The following PCDH15 variants were observed in gnomAD, a reference collection of about 807,000 sequenced individuals.
The protein encoded by PCDH15 is protocadherin related 15.
A neutral mutation model predicts 178.5 loss-of-function variants in PCDH15; 129 were observed. The ratio of observed to expected loss-of-function variants is 0.72; its 90% CI spans 0.63 to 0.84. The LOEUF (loss-of-function observed/expected upper bound fraction) is 0.84. Ranked by LOEUF, PCDH15 falls within the 40% of genes least tolerant of loss-of-function variation. The pLI is 0.00. For missense variants in PCDH15, 2,230 were observed against 2,099.9 expected, an observed-to-expected ratio of 1.06 and a Z score of -1.21; for synonymous variants, 800 against 732.0, an observed-to-expected ratio of 1.09 and a Z score of -1.50.
chr10:55,526,923 G>A (rs1247963122), intron 2 of PCDH15, among the ~76,000 whole-genome samples: 1 of 152,058 alleles, frequency 6.6e-6, no homozygotes, highest in Non-Finnish European at 1.5e-5. Flanking sequence ...GCAACGTCAT[G>A]AAGTGGCAGT....
intron 26 of PCDH15, among the ~76,000 whole-genome samples, chr10:53,897,211 G>C (rs1208768706): frequency 6.6e-6 from 1 of 152,042 alleles, no homozygotes; most frequent in Non-Finnish European, 1.5e-5. Context: ...ATGGCCTCCT[G>C]ACAGGCTGAG....
At chr10:55,575,634 G>C (rs970874256) in intron 2 of PCDH15, 19 of 152,146 alleles carry the variant, frequency 1.2e-4, no homozygotes, top group African/African-American at 4.6e-4. Flanking sequence ...TTTTATAAGT[G>C]GTAATTGCCA....
chr10:55,293,748 A>T (rs1843070126), intron 1 of PCDH15, among the ~76,000 whole-genome samples: 1 of 152,084 alleles, frequency 6.6e-6, no homozygotes, highest in South Asian at 2.1e-4. Context: ...ATCTGTGACC[A>T]CTTCAGCCTG....
chr10:54,438,721 A>C (rs1212590034), intron 3 of PCDH15, among the ~76,000 whole-genome samples: 1 of 152,042 alleles, frequency 6.6e-6, no homozygotes, highest in Non-Finnish European at 1.5e-5. Context: ...GATGGGTGCA[A>C]TGCTGAGTGC....
chr10:55,038,197 C>T (rs1266566083), intron 2 of PCDH15, among the ~76,000 whole-genome samples: 1 of 152,050 alleles, frequency 6.6e-6, no homozygotes, highest in Non-Finnish European at 1.5e-5. Context: ...AAAAAAATAA[C>T]TAAACATTTA....
At chr10:55,370,861 G>C (rs1010168636) in intron 2 of PCDH15, among the ~76,000 whole-genome samples, 2 of 152,068 alleles carry the variant, frequency 1.3e-5, no homozygotes, top group African/African-American at 4.8e-5. Flanking sequence ...TACTTCTCAT[G>C]CCAAACATAG....
At chr10:54,442,677 C>T (rs1589434226) in intron 3 of PCDH15, among the ~76,000 whole-genome samples, 1 of 150,286 alleles carries the variant, frequency 6.7e-6, no homozygotes, top group East Asian at 2.0e-4. Context: ...TGAAATTATG[C>T]TTAAAAATGA....
chr10:54,348,196 G>T (rs1943621340), intron 5 of PCDH15, among the ~76,000 whole-genome samples: 1 of 152,092 alleles, frequency 6.6e-6, no homozygotes, highest in Non-Finnish European at 1.5e-5. Flanking sequence ...AATAAAATAT[G>T]CCCATTGCCT....
At position 54,477,789 on chromosome 10, in the gene PCDH15, G is replaced by C. The variant is rs191177223; in HGVS notation, c.157+50023C>G. 1.6e-3 allele frequency among the ~76,000 whole-genome samples: 250 copies of C among 152,148 alleles called. 4 individuals carry two copies. The highest frequency in any genetic ancestry group is 5.7e-4 in the Non-Finnish European group (39 of 67,984). On this transcript the variant is annotated intron_variant, in intron 3 of 37. Transcript: ENST00000644397. ...TTATGTATTAATATATTTTAGTAGA[G>C]ACAGGCTGTTCTCAAACTCCTGAGC... is the stretch of plus-strand genomic sequence containing the variant.
intron 27 of PCDH15, among the ~76,000 whole-genome samples, chr10:53,863,878 G>T (rs899490497): frequency 6.6e-6 from 1 of 152,076 alleles, no homozygotes; most frequent in Non-Finnish European, 1.5e-5. Context: ...AAAGAATGTT[G>T]GTCTAGATCC....
chr10:54,505,066 G>A (rs1176156758), intron 3 of PCDH15, among the ~76,000 whole-genome samples: 1 of 151,782 alleles, frequency 6.6e-6, no homozygotes, highest in African/African-American at 2.4e-5. Flanking sequence ...TTGTTTTTTT[G>A]TTTTTTTCCT....
At chr10:54,354,304 T>A (rs994133520) in intron 5 of PCDH15, among the ~76,000 whole-genome samples, 5 of 152,188 alleles carry the variant, frequency 3.3e-5, no homozygotes, top group Admixed American at 2.0e-4. Context: ...TTAGAAGTTG[T>A]TGAATATTTG....
intron 32 of PCDH15, among the ~76,000 whole-genome samples, chr10:53,826,025 C>CAACTT (rs752888149): frequency 3.3e-5 from 5 of 151,616 alleles, no homozygotes; most frequent in Non-Finnish European, 7.4e-5. Context: ...TATAAACACA[C>CAACTT]AACTTTACAC....
intron 2 of PCDH15, among the ~76,000 whole-genome samples, chr10:55,159,349 CTATCTATCTATCTATCTATCT>C (rs1838990343): frequency 1.5e-4 from 1 of 6,508 alleles, no homozygotes; most frequent in Non-Finnish European, 4.2e-4. Flanking sequence ...CCATATCTAT[CTATCTATCTATCTATCTATCT>C]ATATATATAT....
upstream of PCDH15, among the ~76,000 whole-genome samples, chr10:54,803,904 CATT>C (rs1952731837): frequency 6.6e-6 from 1 of 152,038 alleles, no homozygotes; most frequent in African/African-American, 2.4e-5. Flanking sequence ...AAAAATGAAT[CATT>C]AAATCTATCA....
intron 2 of PCDH15, among the ~76,000 whole-genome samples, chr10:55,162,123 A>C (rs1455138739): frequency 1.3e-5 from 2 of 152,174 alleles, no homozygotes; most frequent in African/African-American, 4.8e-5. Flanking sequence ...TAAATTATTT[A>C]ATCTAATTTA....
chr10:54,729,133 C>T (rs775540605), intron 1 of PCDH15, among the ~76,000 whole-genome samples: 2 of 151,610 alleles, frequency 1.3e-5, no homozygotes, highest in Non-Finnish European at 3.0e-5. Flanking sequence ...ACAAAAACAA[C>T]AAAGTTGAAA....
chr10:55,542,643 G>A (rs1841793953), intron 2 of PCDH15, among the ~76,000 whole-genome samples: 1 of 136,110 alleles, frequency 7.3e-6, no homozygotes, highest in Non-Finnish European at 1.6e-5. Flanking sequence ...ACAGACATAT[G>A]TATGTGTCTA....
chr10:54,718,049 G>T (rs1167069865), intron 1 of PCDH15, among the ~76,000 whole-genome samples: 2 of 149,682 alleles, frequency 1.3e-5, no homozygotes, highest in Non-Finnish European at 3.0e-5. Flanking sequence ...CTCATAGATG[G>T]GAATTGAACA....
Sources: allele counts gnomAD v4.1 joint callset (sites outside exome capture counted in the v4.1 genomes callset), GRCh38; gene constraint gnomAD v4.1.1; transcripts MANE v1.5; gene names NCBI Gene and HGNC (gene_info 2026-07-23, HGNC 2026-07-21).